The following GRID1 variants were observed in gnomAD, a reference collection of about 807,000 sequenced individuals.
GRID1 encodes the protein glutamate ionotropic receptor delta type subunit 1, also known as glutamate receptor ionotropic, delta-1.
A neutral mutation model predicts 98.0 loss-of-function variants in GRID1; 28 were observed. That is an observed-to-expected ratio of 0.29 (90% CI 0.21 to 0.39). GRID1 has a LOEUF of 0.39. GRID1 is among the 10% of genes least tolerant of loss of function. GRID1 has a pLI of 1.00. For missense variants in GRID1, 1,111 were observed against 1,340.5 expected, an observed-to-expected ratio of 0.83 and a Z score of 2.67; for synonymous variants, 553 against 538.5, an observed-to-expected ratio of 1.03 and a Z score of -0.37.
intron 12 of GRID1, among the ~76,000 whole-genome samples, chr10:85,670,401 C>A (rs931441734): frequency 6.6e-6 from 1 of 152,144 alleles, no homozygotes; most frequent in African/African-American, 2.4e-5. Context: ...TTTAAACAAG[C>A]CCACTGTATT....
chr10:85,865,920 T>TATATATATAC (rs1843211960), intron 6 of GRID1, among the ~76,000 whole-genome samples: 1 of 109,432 alleles, frequency 9.1e-6, no homozygotes, highest in African/African-American at 3.8e-5. Flanking sequence ...TACATATATA[T>TATATATATAC]ATATATATAT....
intron 4 of GRID1, among the ~76,000 whole-genome samples, chr10:85,932,630 T>C (rs1404271144): frequency 6.6e-6 from 1 of 152,172 alleles, no homozygotes; most frequent in Non-Finnish European, 1.5e-5. Context: ...TTTAGAATAG[T>C]TTAGGGGAGA....
chr10:86,365,193 G>A lies in GRID1; in HGVS notation c.80-1097C>T, dbSNP rs533292972. Among the ~76,000 whole-genome samples, 19 of 152,226 alleles carry A rather than the reference G, an allele frequency of 1.2e-4. No individual in the cohort carries two copies. The highest frequency in any genetic ancestry group is 4.3e-4 in the African/African-American group (18 of 41,548). On this transcript the variant is annotated intron_variant, in intron 1 of 15. Coordinates refer to ENST00000327946, the MANE Select transcript of GRID1 (RefSeq NM_017551.3). The surrounding 1 kb of genome is among the most constrained non-coding windows in gnomAD (Gnocchi z 4.8). ...AGGTTTGGTCACGGGCCCCTGAGGA[G>A]GAATCGTAGCTCTCCGAGCCCAGGC...
At chr10:85,708,131 A>AC (rs1841543115) in intron 12 of GRID1, among the ~76,000 whole-genome samples, 2 of 100,662 alleles carry the variant, frequency 2.0e-5, no homozygotes, top group Non-Finnish European at 3.9e-5. Context: ...AAAAAAAAAA[A>AC]CACAAGATTA....
chr10:85,979,917 C>T (rs1842523784), intron 4 of GRID1, among the ~76,000 whole-genome samples: 1 of 152,240 alleles, frequency 6.6e-6, no homozygotes, highest in Non-Finnish European at 1.5e-5. Context: ...GATCTTCACT[C>T]ATGCACAATG....
At chr10:85,647,421 G>A in intron 12 of GRID1, 24 bp from the exon 13 acceptor site, 1 of 1,586,400 alleles carries the variant, frequency 6.3e-7, no homozygotes, top group Non-Finnish European at 8.7e-7. Flanking sequence ...AGGCAGCGAG[G>A]CATGAGTACA....
chr10:86,304,601 G>A (rs1847734125), intron 2 of GRID1, among the ~76,000 whole-genome samples: 2 of 152,220 alleles, frequency 1.3e-5, no homozygotes, highest in Non-Finnish European at 1.5e-5. Context: ...AGAGAAACTG[G>A]GAGGAAGCTA....
chr10:86,101,928 G>A (rs996989015), intron 4 of GRID1, among the ~76,000 whole-genome samples: 1 of 152,084 alleles, frequency 6.6e-6, no homozygotes, highest in East Asian at 1.9e-4. Context: ...ACCACAGTTT[G>A]TTATCCATTC....
intron 4 of GRID1, among the ~76,000 whole-genome samples, chr10:85,952,384 T>C (rs925619807): frequency 6.6e-6 from 1 of 152,250 alleles, no homozygotes; most frequent in Admixed American, 6.5e-5. Flanking sequence ...GAGGAAAAGC[T>C]AGACATGAAA....
chr10:85,819,919 AAGAGAGAATG>A (rs1564600063), intron 8 of GRID1, among the ~76,000 whole-genome samples: 1 of 150,698 alleles, frequency 6.6e-6, no homozygotes, highest in Non-Finnish European at 1.5e-5. Flanking sequence ...TCAAGAAAGA[AAGAGAGAATG>A]AGAGAGAGAG....
At chr10:85,630,990 C>A (rs912536316) in intron 13 of GRID1, among the ~76,000 whole-genome samples, 2 of 152,052 alleles carry the variant, frequency 1.3e-5, no homozygotes, top group African/African-American at 4.8e-5. Context: ...GTTGAGAGAC[C>A]AAGGCTACTA....
At chr10:86,318,353 G>A (rs1316343357) in intron 2 of GRID1, among the ~76,000 whole-genome samples, 5 of 152,224 alleles carry the variant, frequency 3.3e-5, no homozygotes, top group East Asian at 1.9e-4. Flanking sequence ...CCACACAGAA[G>A]CCATGCCAGA....
At chr10:86,097,064 C>T (rs1247588428) in intron 4 of GRID1, among the ~76,000 whole-genome samples, 2 of 150,086 alleles carry the variant, frequency 1.3e-5, no homozygotes, top group Admixed American at 1.3e-4. Context: ...CCAGTACTTA[C>T]CCCAGTGGCC....
chr10:85,837,012 T>C (rs1353796696), intron 8 of GRID1, among the ~76,000 whole-genome samples: 1 of 152,106 alleles, frequency 6.6e-6, no homozygotes, highest in Non-Finnish European at 1.5e-5. Context: ...ACACATCACA[T>C]TGTTAGCATG....
At chr10:85,658,892 A>G (rs1840932857) in intron 12 of GRID1, among the ~76,000 whole-genome samples, 1 of 152,278 alleles carries the variant, frequency 6.6e-6, no homozygotes, top group African/African-American at 2.4e-5. Context: ...ACTAGGAGAC[A>G]GCAGAAATGG....
Position 85,945,594 on chromosome 10 carries a change from A to G in GRID1, c.727-29355T>C, listed in dbSNP as rs536039934. ...TTCCATCTTCCCAGATACTTCAAAC[A>G]CACTAAAATTTCATGTTTTTAGAAA... On this transcript the variant is annotated intron_variant, in intron 4 of 15. Transcript: ENST00000327946. Among the ~76,000 whole-genome samples, 4 of 152,356 alleles carry G rather than the reference A, an allele frequency of 2.6e-5. No individual in the cohort carries two copies. In the East Asian group the frequency reaches 5.8e-4, roughly 22 times the overall value.
At chr10:86,252,864 G>A (rs1329172755) in intron 2 of GRID1, among the ~76,000 whole-genome samples, 1 of 152,242 alleles carries the variant, frequency 6.6e-6, no homozygotes, top group Non-Finnish European at 1.5e-5. Context: ...AGTCATAAAT[G>A]TAAAGGAGGA....
At chr10:85,608,326 C>T (rs1203545833) in intron 15 of GRID1, among the ~76,000 whole-genome samples, 2 of 152,196 alleles carry the variant, frequency 1.3e-5, no homozygotes, top group African/African-American at 4.8e-5. Context: ...CCTAATATGA[C>T]CCTTTGGGAA....
intron 4 of GRID1, among the ~76,000 whole-genome samples, chr10:86,115,813 G>A (rs1029122091): frequency 2.6e-5 from 4 of 152,218 alleles, no homozygotes; most frequent in Admixed American, 2.0e-4. Context: ...ACATGTGTAC[G>A]ATCAGGCACT....
Sources: allele counts gnomAD v4.1 joint callset (sites outside exome capture counted in the v4.1 genomes callset), GRCh38; gene constraint gnomAD v4.1.1; non-coding constraint Gnocchi (gnomAD v3.1); transcripts MANE v1.5; gene names NCBI Gene and HGNC (gene_info 2026-07-23, HGNC 2026-07-21).